Variants in NEGR1 observed in about 807,000 individuals in gnomAD.
The protein encoded by NEGR1 is neuronal growth regulator 1.
A neutral mutation model predicts 40.9 loss-of-function variants in NEGR1; 10 were observed. The ratio of observed to expected loss-of-function variants is 0.24; its 90% CI spans 0.15 to 0.42. The LOEUF is 0.42. Ranked by LOEUF, NEGR1 falls within the 10% of genes least tolerant of loss-of-function variation. NEGR1 has a pLI of 1.00. For synonymous variants in NEGR1, 185 were observed against 166.8 expected (o/e 1.11, Z -0.84); for missense variants, 352 against 438.9 (o/e 0.80, Z 1.77).
At chr1:72,022,361 A>T (rs1646768736) in intron 1 of NEGR1, among the ~76,000 whole-genome samples, 1 of 147,618 alleles carries the variant, frequency 6.8e-6, no homozygotes, top group Non-Finnish European at 1.5e-5. Flanking sequence ...CCATTTAAAC[A>T]CATTGTTTCT....
chr1:71,545,149 G>A (rs977877331), intron 6 of NEGR1, among the ~76,000 whole-genome samples: 2 of 151,626 alleles, frequency 1.3e-5, no homozygotes, highest in Non-Finnish European at 3.0e-5. Flanking sequence ...CCCCAAAGAA[G>A]CCCTTCATCT....
intron 6 of NEGR1, among the ~76,000 whole-genome samples, chr1:71,534,323 A>G (rs969990281): frequency 6.6e-6 from 1 of 151,646 alleles, no homozygotes; most frequent in Non-Finnish European, 1.5e-5. Context: ...AGCAGTAGTT[A>G]TAAAATAAGC....
chr1:71,479,391 C>T (rs887497464), intron 6 of NEGR1, among the ~76,000 whole-genome samples: 8 of 151,938 alleles, frequency 5.3e-5, no homozygotes, highest in Non-Finnish European at 1.2e-4. Context: ...ATCAGAAAAC[C>T]AGCATCCCAT....
chr1:72,225,423 A>G (rs1256258829), intron 1 of NEGR1, among the ~76,000 whole-genome samples: 1 of 151,782 alleles, frequency 6.6e-6, no homozygotes, highest in Non-Finnish European at 1.5e-5. Flanking sequence ...TGAGTTTTGT[A>G]TTATAAAATA....
chr1:72,153,018 G>A (rs1298114837), intron 1 of NEGR1, among the ~76,000 whole-genome samples: 5 of 151,614 alleles, frequency 3.3e-5, no homozygotes, highest in African/African-American at 7.3e-5. Flanking sequence ...CTACATATTC[G>A]GTACTATATT....
intron 1 of NEGR1, among the ~76,000 whole-genome samples, chr1:72,141,906 T>C (rs951973100): frequency 6.6e-6 from 1 of 151,924 alleles, no homozygotes; most frequent in African/African-American, 2.4e-5. Flanking sequence ...AATAGAAGTT[T>C]TACCCAGTGT....
At chr1:71,585,125 C>T (rs1649260700) in intron 6 of NEGR1, among the ~76,000 whole-genome samples, 2 of 151,504 alleles carry the variant, frequency 1.3e-5, no homozygotes, top group African/African-American at 4.9e-5. Flanking sequence ...ATTTTTTTGT[C>T]GAATAAAAAT....
chr1:71,939,705 G>A (rs1157553376), intron 1 of NEGR1, among the ~76,000 whole-genome samples: 3 of 151,912 alleles, frequency 2.0e-5, no homozygotes, highest in South Asian at 2.1e-4. Flanking sequence ...GCAGAGTGCC[G>A]GTGGCAGATC....
intron 2 of NEGR1, among the ~76,000 whole-genome samples, chr1:71,796,661 T>C (rs1161872530): frequency 1.3e-5 from 2 of 152,142 alleles, no homozygotes; most frequent in Non-Finnish European, 1.5e-5. Context: ...CTTTTTAATT[T>C]TATCCATCAG....
rs374751517 is a variant in NEGR1 at position 71,574,277 on chromosome 1, T to C, written c.940+18540A>G. ...ACAAACATGTTGACTTTCTGCCTAT[T>C]GTTTTTGCTGTGAGAAATAAAGTTT... On this transcript the variant is annotated intron_variant, in intron 6 of 6. Coordinates refer to ENST00000357731, the MANE Select transcript of NEGR1 (RefSeq NM_173808.3). Among the ~76,000 whole-genome samples the C allele has an allele frequency of 1.4e-4, 21 of 152,298 alleles. No individual in the cohort carries two copies. The South Asian group carries it at 3.5e-3, about 26-fold the overall frequency.
intron 1 of NEGR1, among the ~76,000 whole-genome samples, chr1:71,979,961 G>A (rs2768379): frequency 0.43 from 64,977 of 151,934 alleles, 14,433 homozygotes; most frequent in Middle Eastern, 0.58. Context: ...TATAGTGATA[G>A]TGAAACAAAA....
intron 1 of NEGR1, among the ~76,000 whole-genome samples, chr1:71,977,041 G>A (rs1287594933): frequency 3.9e-5 from 6 of 152,164 alleles, no homozygotes; most frequent in Admixed American, 6.5e-5. Context: ...ACTAGAAAGT[G>A]GCTGGGAGTG....
intron 3 of NEGR1, among the ~76,000 whole-genome samples, chr1:71,756,013 A>G (rs551753792): frequency 6.6e-6 from 1 of 152,312 alleles, no homozygotes; most frequent in African/African-American, 2.4e-5. Flanking sequence ...TTAAGCCTCA[A>G]ATGTATTTGT....
At chr1:71,503,966 A>G (rs565488264) in intron 6 of NEGR1, among the ~76,000 whole-genome samples, 1 of 151,032 alleles carries the variant, frequency 6.6e-6, no homozygotes, top group African/African-American at 2.4e-5. Flanking sequence ...TCAGGCCCAA[A>G]TGTGGGATCT....
At chr1:72,201,299 TA>T (rs2100446890) in intron 1 of NEGR1, among the ~76,000 whole-genome samples, 1 of 150,938 alleles carries the variant, frequency 6.6e-6, no homozygotes, top group Admixed American at 6.6e-5. Flanking sequence ...ATATAAAAAA[TA>T]ATTTTTTTAT....
chr1:71,686,491 C>T (rs183422912), intron 4 of NEGR1, among the ~76,000 whole-genome samples: 1 of 152,138 alleles, frequency 6.6e-6, no homozygotes, highest in Non-Finnish European at 1.5e-5. Flanking sequence ...TTAGTATTCC[C>T]ATTAACTAGA....
At chr1:71,408,411 A>T (rs555962769) in intron 6 of NEGR1, among the ~76,000 whole-genome samples, 5 of 152,148 alleles carry the variant, frequency 3.3e-5, no homozygotes, top group African/African-American at 1.2e-4. Context: ...ATGTATGACT[A>T]CATTTATACA....
intron 4 of NEGR1, among the ~76,000 whole-genome samples, chr1:71,678,381 T>A (rs1652714562): frequency 6.6e-6 from 1 of 152,230 alleles, no homozygotes; most frequent in African/African-American, 2.4e-5. Flanking sequence ...CAGTTAATTA[T>A]ATGTCATGGT....
intron 1 of NEGR1, among the ~76,000 whole-genome samples, chr1:71,994,299 C>A (rs576494169): frequency 1.3e-5 from 2 of 151,978 alleles, no homozygotes; most frequent in Admixed American, 6.6e-5. Context: ...GAGGCCGAGG[C>A]GGGTGGATCA....
Sources: allele counts gnomAD v4.1 joint callset (sites outside exome capture counted in the v4.1 genomes callset), GRCh38; gene constraint gnomAD v4.1.1; transcripts MANE v1.5; gene names NCBI Gene and HGNC (gene_info 2026-07-23, HGNC 2026-07-21).